The following NT5DC1 variants were observed in gnomAD, a reference collection of about 807,000 sequenced individuals.
The protein encoded by NT5DC1 is 5'-nucleotidase domain containing 1.
A neutral mutation model predicts 59.4 loss-of-function variants in NT5DC1; 42 were observed. The ratio of observed to expected loss-of-function variants is 0.71; its 90% CI spans 0.55 to 0.92. The LOEUF is 0.92. NT5DC1 is among the 40% of genes least tolerant of loss of function. The pLI, the probability that NT5DC1 is intolerant of heterozygous loss-of-function variation, is 0.00. For synonymous variants in NT5DC1, 172 were observed against 188.1 expected, an observed-to-expected ratio of 0.91 and a Z score of 0.70; for missense variants, 501 against 537.1, an observed-to-expected ratio of 0.93 and a Z score of 0.66.
At chr6:116,237,164 A>G (rs1782130780) in intron 9 of NT5DC1, 80 bp downstream of exon 9, 1 of 788,010 alleles carries the variant, frequency 1.3e-6, no homozygotes, top group Non-Finnish European at 2.3e-6. Flanking sequence ...TCTCCTCTTA[A>G]TTCTTCTGCT....
intron 6 of NT5DC1, among the ~76,000 whole-genome samples, chr6:116,150,421 GC>G (rs1780010979): frequency 6.6e-6 from 1 of 151,928 alleles, no homozygotes; most frequent in African/African-American, 2.4e-5. Flanking sequence ...AGTAGCTGGG[GC>G]TACAGGTGCC....
Position 116,127,480 on chromosome 6 carries a change from A to G in NT5DC1, c.529+9535A>G, listed in dbSNP as rs184092672. Among the ~76,000 whole-genome samples the G allele has an allele frequency of 2.6e-3, 397 of 152,258 alleles. 10 individuals carry two copies. The South Asian group carries it at 0.043, about 17-fold the overall frequency. On this transcript the variant is annotated intron_variant, in intron 6 of 11. Coordinates refer to ENST00000319550, the MANE Select transcript of NT5DC1 (RefSeq NM_152729.3). ...TCTTATAGCAGTTTAGAATAACAAA[A>G]TAGGAAAGTTTATAATTCATCATTT...
chr6:116,123,986 T>G (rs1779214534), intron 6 of NT5DC1, among the ~76,000 whole-genome samples: 1 of 152,216 alleles, frequency 6.6e-6, no homozygotes, highest in Non-Finnish European at 1.5e-5. Flanking sequence ...TCATAGCATT[T>G]CAAATTGTGT....
chr6:116,161,514 T>A (rs1780329874), intron 6 of NT5DC1, among the ~76,000 whole-genome samples: 2 of 152,098 alleles, frequency 1.3e-5, no homozygotes, highest in African/African-American at 4.8e-5. Context: ...CCATTGTTTA[T>A]TTTTGTTGAC....
chr6:116,176,176 G>A (rs1562151325), intron 6 of NT5DC1, among the ~76,000 whole-genome samples: 1 of 152,146 alleles, frequency 6.6e-6, no homozygotes, highest in African/African-American at 2.4e-5. Flanking sequence ...AATTCTTCTA[G>A]TGCTAGAGTG....
intron 6 of NT5DC1, among the ~76,000 whole-genome samples, chr6:116,216,105 T>C (rs796715678): frequency 1.3e-5 from 2 of 152,270 alleles, no homozygotes; most frequent in African/African-American, 4.8e-5. Flanking sequence ...TTAATTGGTA[T>C]AGTGTAAGAG....
At chr6:116,165,421 A>G (rs1468200669) in intron 6 of NT5DC1, among the ~76,000 whole-genome samples, 1 of 152,192 alleles carries the variant, frequency 6.6e-6, no homozygotes. Context: ...CTTTCTACCA[A>G]TATGTTTTCC....
At chr6:116,178,028 C>T (rs1391850069) in intron 6 of NT5DC1, among the ~76,000 whole-genome samples, 2 of 149,224 alleles carry the variant, frequency 1.3e-5, no homozygotes, top group Non-Finnish European at 3.0e-5. Context: ...GTATGTCTAG[C>T]TTTCATAACT....
rs1779117883 is a variant in NT5DC1 at position 116,121,359 on chromosome 6, C to T, written c.529+3414C>T. 1 of 1,614,164 alleles carries T rather than the reference C, an allele frequency of 6.2e-7. No individual in the cohort carries two copies. Among genetic ancestry groups the T allele is most frequent in the Admixed American group, 1.7e-5 (1 of 60,038 alleles). On this transcript the variant is annotated intron_variant, in intron 6 of 11. Coordinates refer to ENST00000319550, the MANE Select transcript of NT5DC1 (RefSeq NM_152729.3). Reference sequence around the variant, plus strand: ...TCTGGCCCTCGTTCCCCAGGAGGGCCTTGGGGACCTGGTGGGCCAATTGGT... The same window carrying T: ...TCTGGCCCTCGTTCCCCAGGAGGGCTTTGGGGACCTGGTGGGCCAATTGGT...
At chr6:116,213,604 A>G (rs1781628843) in intron 6 of NT5DC1, among the ~76,000 whole-genome samples, 1 of 152,090 alleles carries the variant, frequency 6.6e-6, no homozygotes, top group Admixed American at 6.6e-5. Flanking sequence ...CATCTTGGAA[A>G]CTCAATCCAC....
At chr6:116,123,641 T>C (rs747059926) in intron 6 of NT5DC1, among the ~76,000 whole-genome samples, 4 of 152,252 alleles carry the variant, frequency 2.6e-5, no homozygotes, top group Non-Finnish European at 5.9e-5. Context: ...TTCAACTTAA[T>C]GTCTTACTTG....
At chr6:116,110,788 G>A in intron 3 of NT5DC1, 62 bp from the exon 4 acceptor site, 1 of 1,156,046 alleles carries the variant, frequency 8.7e-7, no homozygotes, top group South Asian at 1.2e-5. Flanking sequence ...CAGTCACAAT[G>A]ATAGAGGAAG....
chr6:116,239,272 G>C (rs550695030), intron 11 of NT5DC1, 149 bp downstream of exon 11: 1 of 628,376 alleles, frequency 1.6e-6, no homozygotes, highest in Admixed American at 3.3e-5. Flanking sequence ...TAGGTAATTA[G>C]GACCAGCACT....
In NT5DC1 at chr6:116,100,937, C is replaced by T. The variant is rs1778628012; in HGVS notation, c.7C>T (p.Gln3Ter). Residue 3 changes from glutamine (Q) to a stop codon, truncating the protein, a stop_gained, in exon 1 of 12, where the codon CAG (glutamine) becomes TAG (stop). Transcript: ENST00000319550. LOFTEE classifies it high-confidence loss of function. ...TGGTGCTCCCCGCGCAGCCATGGCT[C>T]AGCACTTCTCCCTGGCCGCCTGCGA... MA[Q>*]HFSLAACDVV... The T allele has an allele frequency of 6.2e-7, 1 of 1,602,512 alleles. No individual in the cohort carries two copies. The highest frequency in any genetic ancestry group is 8.5e-7 in the Non-Finnish European group (1 of 1,175,854).
At chr6:116,194,893 G>C (rs1342465421) in intron 6 of NT5DC1, among the ~76,000 whole-genome samples, 1 of 151,926 alleles carries the variant, frequency 6.6e-6, no homozygotes, top group Non-Finnish European at 1.5e-5. Context: ...TTTGATACAA[G>C]CATATTTTTC....
At chr6:116,123,484 T>G (rs1779199324) in intron 6 of NT5DC1, among the ~76,000 whole-genome samples, 1 of 152,246 alleles carries the variant, frequency 6.6e-6, no homozygotes, top group African/African-American at 2.4e-5. Flanking sequence ...AAATCGTGAT[T>G]GGTTGTGTCA....
chr6:116,122,107 G>A, intron 6 of NT5DC1: 3 of 839,954 alleles, frequency 3.6e-6, no homozygotes, highest in Non-Finnish European at 4.0e-6. Flanking sequence ...AATGGTTTTA[G>A]ATTATATGTT....
At chr6:116,120,067 G>GGGT (rs1554192883) in intron 6 of NT5DC1, 1 of 1,461,450 alleles carries the variant, frequency 6.8e-7, no homozygotes, top group Admixed American at 2.2e-5. Flanking sequence ...TTAGCTCTGT[G>GGGT]TGTACTCACA....
rs1771859017 is a variant in NT5DC1 at position 116,246,889 on chromosome 6, A to C, written c.*2865A>C. 1 of 152,210 alleles carries C rather than the reference A, an allele frequency of 6.6e-6. No individual in the cohort carries two copies. The allele number at this position is 152,210 out of a possible 1,614,324, so 9.4% of individuals were successfully genotyped here. A position where few individuals can be genotyped will look rare whatever the true frequency, so the allele number is the denominator to read the frequency against. ...TGTTGGTCTCTAGAACTATCCTCAG[A>C]AATAATAGTAAAACAGTGGTCATGA... On this transcript the variant is annotated 3_prime_UTR_variant, in exon 12 of 12. Transcript: ENST00000319550.
Sources: gnomAD v4.1 joint callset for allele counts (sites outside exome capture counted in the v4.1 genomes callset) on GRCh38, gnomAD v4.1.1 for gene constraint, MANE v1.5 for transcripts, NCBI Gene and HGNC (gene_info 2026-07-23, HGNC 2026-07-21) for gene names.